Variants in WWTR1 observed in about 807,000 individuals in gnomAD.
WWTR1 encodes WW domain containing transcription regulator 1.
WWTR1 carries 13 observed loss-of-function variants against 40.1 expected under a neutral mutation model. The ratio of observed to expected loss-of-function variants is 0.32; its 90% CI spans 0.21 to 0.52. The LOEUF is 0.52. WWTR1 is among the 20% of genes least tolerant of loss of function. The pLI is 0.97. For synonymous variants in WWTR1, 230 were observed against 210.1 expected, an observed-to-expected ratio of 1.09 and a Z score of -0.82; for missense variants, 436 against 523.1, an observed-to-expected ratio of 0.83 and a Z score of 1.63.
chr3:149,676,731 C>G (rs149073490), intron 1 of WWTR1, among the ~76,000 whole-genome samples: 61 of 152,190 alleles, frequency 4.0e-4, no homozygotes, highest in Middle Eastern at 3.4e-3. Context: ...CTGCTTGCCA[C>G]ACACCACTGA....
At chr3:149,591,148 A>G (rs996270994) in intron 2 of WWTR1, among the ~76,000 whole-genome samples, 1 of 152,236 alleles carries the variant, frequency 6.6e-6, no homozygotes, top group Non-Finnish European at 1.5e-5. Flanking sequence ...ACTTAAAAAA[A>G]CATAAATACA....
rs554423636 is a variant in WWTR1, at chr3:149,687,279, G to C, written c.-108+15845C>G. ...GCATCATAGCCTCTAGAACTAACTGGAACTCACTACTGAGTTGCTCTCCTG... is the reference window on the plus strand; with the variant it reads ...GCATCATAGCCTCTAGAACTAACTGCAACTCACTACTGAGTTGCTCTCCTG... On this transcript the variant is annotated intron_variant, in intron 1 of 7. Transcript: ENST00000465804. Among the ~76,000 whole-genome samples the C allele has an allele frequency of 3.3e-5, 5 of 152,288 alleles. No homozygotes were observed. In the East Asian group the frequency reaches 7.7e-4, roughly 23 times the overall value.
intron 2 of WWTR1, among the ~76,000 whole-genome samples, chr3:149,668,607 C>CA (rs10522665): frequency 8.8e-5 from 11 of 125,510 alleles, no homozygotes; most frequent in East Asian, 6.9e-4. Context: ...GATTGTGTCT[C>CA]AAAAAAAACA....
chr3:149,552,754 T>C (rs1736662934), intron 3 of WWTR1, among the ~76,000 whole-genome samples: 1 of 152,250 alleles, frequency 6.6e-6, no homozygotes, highest in Admixed American at 6.5e-5. Context: ...TCTTAGTCCA[T>C]TTAGAGCAAT....
chr3:149,621,347 A>T (rs2108086178), intron 2 of WWTR1, among the ~76,000 whole-genome samples: 1 of 152,070 alleles, frequency 6.6e-6, no homozygotes, highest in Non-Finnish European at 1.5e-5. Flanking sequence ...TTTTTTTTTT[A>T]ACTCAAGTAA....
In WWTR1 at chr3:149,650,740, G is replaced by A. The variant is rs1259071906; in HGVS notation, c.431+6136C>T. Among the ~76,000 whole-genome samples the A allele has an allele frequency of 2.0e-5, 3 of 152,198 alleles. No individual in the cohort carries two copies. In the East Asian group the frequency reaches 5.8e-4, roughly 29 times the overall value. Reference sequence around the variant, plus strand: ...ATAAAAACTAGACACTTCTCAGATGGAGTTGGGTATCCTCTGCCCAAAATG... The same window carrying A: ...ATAAAAACTAGACACTTCTCAGATGAAGTTGGGTATCCTCTGCCCAAAATG... On this transcript the variant is annotated intron_variant, in intron 2 of 6. Transcript: ENST00000360632.
intron 3 of WWTR1, among the ~76,000 whole-genome samples, chr3:149,542,874 A>C (rs755773367): frequency 1.7e-4 from 25 of 150,154 alleles, no homozygotes; most frequent in Non-Finnish European, 3.3e-4. Context: ...AGATAATTTC[A>C]CCAGATCATT....
At chr3:149,666,053 CA>C (rs1251668501) in intron 2 of WWTR1, among the ~76,000 whole-genome samples, 2 of 152,092 alleles carry the variant, frequency 1.3e-5, no homozygotes, top group African/African-American at 2.4e-5. Flanking sequence ...AAGAGTTTGC[CA>C]CCTGATTAAA....
intron 1 of WWTR1, among the ~76,000 whole-genome samples, chr3:149,676,696 T>A (rs1471496072): frequency 1.3e-5 from 2 of 152,084 alleles, no homozygotes; most frequent in African/African-American, 4.8e-5. Flanking sequence ...CTAAACCGGG[T>A]CTGCCTATTT....
At chr3:149,678,303 A>G (rs566041242) in intron 1 of WWTR1, among the ~76,000 whole-genome samples, 44 of 152,332 alleles carry the variant, frequency 2.9e-4, no homozygotes, top group African/African-American at 1.0e-3. Flanking sequence ...ACAAATAGAC[A>G]GAAGTGGCCA....
intron 2 of WWTR1, among the ~76,000 whole-genome samples, chr3:149,593,139 G>T (rs1415147905): frequency 6.6e-6 from 1 of 152,160 alleles, no homozygotes; most frequent in African/African-American, 2.4e-5. Flanking sequence ...CCACAAATAG[G>T]CATGCTGCCA....
chr3:149,580,615 T>G (rs1738102387), intron 2 of WWTR1, among the ~76,000 whole-genome samples: 1 of 152,170 alleles, frequency 6.6e-6, no homozygotes, highest in Non-Finnish European at 1.5e-5. Flanking sequence ...GGTTTTTTGT[T>G]TGTTTGTTTG....
intron 2 of WWTR1, among the ~76,000 whole-genome samples, chr3:149,620,137 G>A (rs1238375230): frequency 2.0e-5 from 3 of 152,136 alleles, no homozygotes; most frequent in African/African-American, 7.2e-5. Flanking sequence ...TCAGTTTAGA[G>A]ATGTTGCAAA....
At chr3:149,572,293 A>G (rs534977250) in intron 3 of WWTR1, among the ~76,000 whole-genome samples, 1 of 151,478 alleles carries the variant, frequency 6.6e-6, no homozygotes, top group Non-Finnish European at 1.5e-5. Flanking sequence ...AGCAATTATG[A>G]AAAAAAAAGG....
At chr3:149,704,759 T>C (rs1198785329), upstream of WWTR1, among the ~76,000 whole-genome samples, 1 of 151,844 alleles carries the variant, frequency 6.6e-6, no homozygotes, top group African/African-American at 2.4e-5. Context: ...AGGTGCCCAT[T>C]AGCTCTAAAA....
At chr3:149,696,356 A>T (rs914098339) in intron 1 of WWTR1, among the ~76,000 whole-genome samples, 3 of 152,084 alleles carry the variant, frequency 2.0e-5, no homozygotes, top group South Asian at 2.1e-4. Flanking sequence ...GAGATTTCCT[A>T]AATGCTTAAT....
At chr3:149,711,183 A>T (rs1576649427) in intron 5 of WWTR1, among the ~76,000 whole-genome samples, 1 of 126,210 alleles carries the variant, frequency 7.9e-6, no homozygotes, top group Admixed American at 7.8e-5. Flanking sequence ...AAAAAAAGGG[A>T]GGCTGGATGT....
At position 149,520,939 on chromosome 3, in the gene WWTR1, A is replaced by T; in HGVS notation, c.1069T>A (p.Phe357Ile). 1 of 1,613,272 alleles carries T rather than the reference A, an allele frequency of 6.2e-7. No homozygotes were observed. The highest frequency in any genetic ancestry group is 8.5e-7 in the Non-Finnish European group (1 of 1,179,674). Residue 357 changes from phenylalanine to isoleucine, a missense_variant, in exon 7 of 7, where the codon TTC (phenylalanine) becomes ATC (isoleucine). Transcript: ENST00000360632. ...PMNINPQQTR[F>I]PDFLDCLPGT... Reference sequence around the variant, plus strand: ...GGAAGACAGTCAAGGAAATCAGGGAAACGGGTCTGTTGGGGATTGATGTTC... The same window carrying T: ...GGAAGACAGTCAAGGAAATCAGGGATACGGGTCTGTTGGGGATTGATGTTC...
At chr3:149,641,538 G>A (rs6765163) in intron 2 of WWTR1, among the ~76,000 whole-genome samples, 7,536 of 152,200 alleles carry the variant, frequency 0.05, 351 homozygotes, top group African/African-American at 0.12. Flanking sequence ...CCGGCCAATT[G>A]TTAGGTTAAA....
Sources: allele counts gnomAD v4.1 joint callset (sites outside exome capture counted in the v4.1 genomes callset), GRCh38; gene constraint gnomAD v4.1.1; transcripts MANE v1.5; gene names NCBI Gene and HGNC (gene_info 2026-07-23, HGNC 2026-07-21).